GABRG1: variants seen among roughly 807,000 people sequenced by gnomAD.
GABRG1 encodes gamma-aminobutyric acid receptor subunit gamma-1.
Under a neutral mutation model 49.8 loss-of-function variants are expected in GABRG1, and 49 were observed. That is an observed-to-expected ratio of 0.98 (90% CI 0.78 to 1.25). The LOEUF (loss-of-function observed/expected upper bound fraction) is 1.25, where lower values mean the gene tolerates loss of function less well. GABRG1 is among the 50% of genes most tolerant of loss of function. GABRG1 has a pLI of 0.00. For synonymous variants in GABRG1, 232 were observed against 185.1 expected (o/e 1.25, Z -2.06); for missense variants, 552 against 552.3 (o/e 1.00, Z 0.01).
chr4:46,050,503 A>C (rs549571125), intron 8 of GABRG1, among the ~76,000 whole-genome samples: 1 of 152,032 alleles, frequency 6.6e-6, no homozygotes, highest in African/African-American at 2.4e-5. Flanking sequence ...CTTGCCACTA[A>C]TGCCTGGCTA....
chr4:46,117,578 C>CTCTCTCTGTCTCTCTCTTTCTG (rs1553884374), intron 1 of GABRG1, among the ~76,000 whole-genome samples: 1 of 143,398 alleles, frequency 7.0e-6, no homozygotes, highest in African/African-American at 2.6e-5. Context: ...CTCTCTCTCT[C>CTCTCTCTGTCTCTCTCTTTCTG]TCTGTCTCTC....
chr4:46,049,430 T>C (rs1203831810), intron 8 of GABRG1, among the ~76,000 whole-genome samples: 1 of 151,808 alleles, frequency 6.6e-6, no homozygotes, highest in South Asian at 2.1e-4. Flanking sequence ...AAGCACATAA[T>C]TGAACAAAGA....
chr4:46,093,125 T>C (rs946098663), intron 2 of GABRG1, among the ~76,000 whole-genome samples: 3 of 148,476 alleles, frequency 2.0e-5, no homozygotes, highest in Non-Finnish European at 4.5e-5. Context: ...TATAGATATA[T>C]AATATCAATC....
chr4:46,084,637 CACA>C (rs1165348604), intron 2 of GABRG1, among the ~76,000 whole-genome samples: 2 of 151,582 alleles, frequency 1.3e-5, no homozygotes, highest in Non-Finnish European at 3.0e-5. Context: ...TAATAAAACA[CACA>C]ACACTTACAT....
chr4:46,044,265 G>C (rs1167936549), intron 8 of GABRG1, among the ~76,000 whole-genome samples: 3 of 152,078 alleles, frequency 2.0e-5, no homozygotes, highest in Non-Finnish European at 4.4e-5. Context: ...TTGAGCCCAG[G>C]AGTTTGAGAC....
intron 5 of GABRG1, among the ~76,000 whole-genome samples, chr4:46,061,998 G>A (rs1176163614): frequency 6.7e-6 from 1 of 149,340 alleles, no homozygotes; most frequent in South Asian, 2.1e-4. Context: ...TTAGCATTAC[G>A]TATATCTCCT....
intron 1 of GABRG1, among the ~76,000 whole-genome samples, chr4:46,102,675 A>T (rs1720420680): frequency 1.3e-5 from 2 of 151,600 alleles, no homozygotes; most frequent in Non-Finnish European, 3.0e-5. Flanking sequence ...TATGATTATT[A>T]TTTCTTTTTG....
chr4:46,055,959 C>T (rs1411597216), intron 7 of GABRG1, among the ~76,000 whole-genome samples: 5 of 13,280 alleles, frequency 3.8e-4, no homozygotes, highest in East Asian at 1.4e-3. Context: ...GTGGTGGGGT[C>T]GGGGGGAGGG....
chr4:46,051,378 A>T (rs1212165521), intron 8 of GABRG1, 46 bp downstream of exon 8: 1 of 1,354,474 alleles, frequency 7.4e-7, no homozygotes, highest in African/African-American at 1.5e-5. Flanking sequence ...GAGTATCTCT[A>T]AGTAAGTTGA....
chr4:46,092,063 G>A (rs1002058733), intron 2 of GABRG1, among the ~76,000 whole-genome samples: 1 of 151,900 alleles, frequency 6.6e-6, no homozygotes, highest in Non-Finnish European at 1.5e-5. Flanking sequence ...TTTCCATATC[G>A]ATTGGAAATA....
intron 1 of GABRG1, among the ~76,000 whole-genome samples, chr4:46,098,467 C>T (rs1720263993): frequency 6.6e-6 from 1 of 151,730 alleles, no homozygotes; most frequent in African/African-American, 2.4e-5. Flanking sequence ...TTCCCTCAAA[C>T]AGTAAATACT....
chr4:46,102,230 C>G (rs1451508352), intron 1 of GABRG1, among the ~76,000 whole-genome samples: 2 of 151,608 alleles, frequency 1.3e-5, no homozygotes, highest in African/African-American at 4.8e-5. Flanking sequence ...GCTGTGAGAA[C>G]ATAGCTGCCT....
intron 1 of GABRG1, among the ~76,000 whole-genome samples, chr4:46,101,180 A>G (rs1577664808): frequency 6.6e-6 from 1 of 151,174 alleles, no homozygotes; most frequent in East Asian, 2.0e-4. Flanking sequence ...TAATATACCT[A>G]CCTTAAAAAT....
At chr4:46,043,235 AT>A (rs1717854118) in intron 8 of GABRG1, among the ~76,000 whole-genome samples, 2 of 151,952 alleles carry the variant, frequency 1.3e-5, no homozygotes, top group Non-Finnish European at 2.9e-5. Flanking sequence ...AAATGATTAA[AT>A]TTTTTAGTGC....
chr4:46,061,570 T>A (rs1718675599), intron 5 of GABRG1, among the ~76,000 whole-genome samples: 1 of 152,042 alleles, frequency 6.6e-6, no homozygotes, highest in African/African-American at 2.4e-5. Flanking sequence ...GAAAAATACT[T>A]TTATAAAAAT....
At chr4:46,056,866 T>G (rs1409402535) in intron 7 of GABRG1, among the ~76,000 whole-genome samples, 4 of 152,208 alleles carry the variant, frequency 2.6e-5, no homozygotes, top group African/African-American at 9.6e-5. Context: ...TGTGCTTACC[T>G]TTATGATTGA....
At chr4:46,076,361 T>TTATA (rs1560360726) in intron 3 of GABRG1, among the ~76,000 whole-genome samples, 1,241 of 77,940 alleles carry the variant, frequency 0.016, 129 homozygotes, top group Non-Finnish European at 0.02. Context: ...TAGGTCATGT[T>TTATA]CATATATATA....
At chr4:46,082,124 G>A (rs62306774) in intron 3 of GABRG1, among the ~76,000 whole-genome samples, 4,176 of 151,896 alleles carry the variant, frequency 0.027, 83 homozygotes, top group Non-Finnish European at 0.042. Context: ...GATTATTAGC[G>A]TTTGGAACTG....
chr4:46,057,133 T>G (rs1718484105), intron 7 of GABRG1, among the ~76,000 whole-genome samples: 2 of 152,078 alleles, frequency 1.3e-5, no homozygotes, highest in Admixed American at 6.6e-5. Context: ...TTTATACAAC[T>G]TATAAAATAA....
Sources: allele counts gnomAD v4.1 joint callset (sites outside exome capture counted in the v4.1 genomes callset), GRCh38; gene constraint gnomAD v4.1.1; transcripts MANE v1.5; gene names NCBI Gene and HGNC (gene_info 2026-07-23, HGNC 2026-07-21).